The following BPTF variants were observed in gnomAD, a reference collection of about 807,000 sequenced individuals.
BPTF encodes nucleosome-remodeling factor subunit BPTF.
A neutral mutation model predicts 292.5 loss-of-function variants in BPTF; 18 were observed. The observed-to-expected ratio is 0.06, with a 90% CI of 0.04 to 0.09. The LOEUF (loss-of-function observed/expected upper bound fraction) is 0.09. BPTF is among the 10% of genes least tolerant of loss of function. BPTF has a pLI of 1.00. For synonymous variants in BPTF, 1,225 were observed against 1,251.9 expected (o/e 0.98, Z 0.45); for missense variants, 2,726 against 3,498.7 (o/e 0.78, Z 5.57).
rs751506326 is a variant in BPTF at position 67,911,876 on chromosome 17, C to T, written c.3992C>T (p.Pro1331Leu). 113 of 1,613,768 alleles carry T rather than the reference C, an allele frequency of 7.0e-5. 2 individuals carry two copies. The South Asian group carries it at 1.0e-3, about 14-fold the overall frequency. The change falls in exon 11 of 28, where the codon CCG becomes CTG. Residue 1331 changes from proline (P) to leucine (L), a missense_variant. Pro to Leu is a moderately conservative substitution (Grantham distance 98). Coordinates refer to ENST00000306378, the MANE Select transcript of BPTF (RefSeq NM_182641.4). ...GAACAAGATGTTGAAGTCTTGGAGC[C>T]GTTAAAGTGTGAGTTGGTTTCTGGT... is the stretch of plus-strand genomic sequence containing the variant. ...TREQDVEVLE[P>L]LKCELVSGES... is the part of the protein sequence containing the mutation.
At chr17:67,976,072 T>A in intron 27 of BPTF, 114 bp downstream of exon 27, 2 of 587,518 alleles carry the variant, frequency 3.4e-6, no homozygotes, top group Admixed American at 3.9e-5. Context: ...TAAATATCTT[T>A]AAAAAAAAAA....
chr17:67,968,593 A>C (rs2068391877), intron 26 of BPTF, among the ~76,000 whole-genome samples: 1 of 151,054 alleles, frequency 6.6e-6, no homozygotes, highest in South Asian at 2.1e-4. Context: ...CCTGGCTAAC[A>C]CGGTGAAACC....
At chr17:67,909,490 G>T (rs1376660502) in intron 9 of BPTF, 92 bp from the exon 10 acceptor site, 3 of 838,470 alleles carry the variant, frequency 3.6e-6, no homozygotes, top group Non-Finnish European at 5.1e-6. Context: ...ATAACTTGCT[G>T]GAAATTACTT....
intron 1 of BPTF, among the ~76,000 whole-genome samples, chr17:67,827,058 G>C (rs1057489629): frequency 2.0e-5 from 3 of 152,152 alleles, no homozygotes; most frequent in Non-Finnish European, 4.4e-5. Context: ...TTATTCATCC[G>C]ATTCAGAATT....
chr17:67,922,914 ACTGGCC>A lies in BPTF; in HGVS notation c.5636_5641del (p.Gly1879_Pro1880del). On this transcript the variant is annotated inframe_deletion, in exon 14 of 28. Coordinates refer to ENST00000306378, the MANE Select transcript of BPTF (RefSeq NM_182641.4). ...AAAGAGACCAGAAACGCCCAAGCAAACTGGCCCTGTTATTATTGAAACCTGGGTAGC... is the reference window on the plus strand; with the variant it reads ...AAAGAGACCAGAAACGCCCAAGCAAACTGTTATTATTGAAACCTGGGTAGC... The A allele has an allele frequency of 6.2e-7, 1 of 1,614,134 alleles. No individual in the cohort carries two copies. The highest frequency in any genetic ancestry group is 8.5e-7 in the Non-Finnish European group (1 of 1,180,030).
chr17:67,955,630 C>G (rs1363468760), intron 23 of BPTF: 3 of 151,934 alleles, frequency 2.0e-5, no homozygotes, highest in African/African-American at 7.3e-5. Context: ...AGTTCGAGAC[C>G]AGCCTGGCTA....
chr17:67,899,512 A>G lies in BPTF; in HGVS notation c.2544-4277A>G, dbSNP rs150468782. On this transcript the variant is annotated intron_variant, in intron 7 of 27. Transcript: ENST00000306378. ...TACTGCTCTATGCAGGTAGTTTTAT[A>G]CTTGATGCTGAGTTTTTTTTCTTTT... Among the ~76,000 whole-genome samples the G allele has an allele frequency of 4.5e-3, 687 of 151,014 alleles. 8 individuals are homozygous for G. Among genetic ancestry groups the G allele is most frequent in the African/African-American group, 0.016 (665 of 41,092 alleles).
At chr17:67,870,571 C>G (rs1185726250) in intron 3 of BPTF, among the ~76,000 whole-genome samples, 2 of 152,052 alleles carry the variant, frequency 1.3e-5, no homozygotes. Flanking sequence ...TTTAGGACCA[C>G]CCAGTCCAGG....
chr17:67,868,786 C>T (rs58141639), intron 3 of BPTF, among the ~76,000 whole-genome samples: 31,004 of 152,112 alleles, frequency 0.2, 3,975 homozygotes, highest in East Asian at 0.66. Context: ...CTTGTTCTCA[C>T]ATATTCTACA....
At chr17:67,861,016 T>G (rs2059043828) in intron 2 of BPTF, among the ~76,000 whole-genome samples, 1 of 152,214 alleles carries the variant, frequency 6.6e-6, no homozygotes, top group Non-Finnish European at 1.5e-5. Context: ...CAGTTCTGTA[T>G]GTCCAGCAGA....
intron 9 of BPTF, among the ~76,000 whole-genome samples, chr17:67,905,489 T>A (rs1012623216): frequency 3.3e-5 from 5 of 152,100 alleles, no homozygotes. Flanking sequence ...GGAGGATCAC[T>A]TGAGGCCAGG....
At chr17:67,981,984 A>AATATATATAT (rs35063149) in intron 27 of BPTF, 19 of 137,776 alleles carry the variant, frequency 1.4e-4, no homozygotes, top group African/African-American at 5.4e-4. Context: ...TTATTAGACA[A>AATATATATAT]ATATATATAT....
At chr17:67,845,735 T>G (rs1442700903) in intron 1 of BPTF, among the ~76,000 whole-genome samples, 1 of 152,030 alleles carries the variant, frequency 6.6e-6, no homozygotes, top group Admixed American at 6.6e-5. Context: ...ATAGCACCAC[T>G]GCACTCTAGC....
chr17:67,832,130 C>T (rs890207773), intron 1 of BPTF, among the ~76,000 whole-genome samples: 5 of 151,994 alleles, frequency 3.3e-5, no homozygotes, highest in African/African-American at 1.2e-4. Context: ...CCTTGTGATC[C>T]GCCTGCCTCA....
At chr17:67,930,790 A>G (rs1195505126) in intron 17 of BPTF, among the ~76,000 whole-genome samples, 1 of 151,852 alleles carries the variant, frequency 6.6e-6, no homozygotes, top group African/African-American at 2.4e-5. Flanking sequence ...CTAAAAATAC[A>G]AAAAATTAGC....
At chr17:67,861,340 C>CT (rs568176532) in intron 2 of BPTF, among the ~76,000 whole-genome samples, 18,202 of 135,030 alleles carry the variant, frequency 0.13, 2,088 homozygotes, top group East Asian at 0.65. Flanking sequence ...AAGATTTTTT[C>CT]TTTTTTTTTT....
chr17:67,959,166 C>T (rs946105691), intron 23 of BPTF, among the ~76,000 whole-genome samples: 3 of 152,072 alleles, frequency 2.0e-5, no homozygotes, highest in Non-Finnish European at 4.4e-5. Context: ...AGAGCAAGAG[C>T]AACTAGAAGA....
chr17:67,929,926 G>A (rs2064222774), intron 17 of BPTF, among the ~76,000 whole-genome samples: 1 of 151,754 alleles, frequency 6.6e-6, no homozygotes, highest in Non-Finnish European at 1.5e-5. Flanking sequence ...GGCCAGCCTG[G>A]GCAACATGGC....
intron 1 of BPTF, among the ~76,000 whole-genome samples, chr17:67,836,566 A>C (rs2057148775): frequency 6.6e-6 from 1 of 152,226 alleles, no homozygotes. Context: ...ATCTTAGCTC[A>C]TCCTAAAACA....
Sources: allele counts gnomAD v4.1 joint callset (sites outside exome capture counted in the v4.1 genomes callset), GRCh38; gene constraint gnomAD v4.1.1; transcripts MANE v1.5; gene names NCBI Gene and HGNC (gene_info 2026-07-23, HGNC 2026-07-21).